PBX1: variants seen among roughly 807,000 people sequenced by gnomAD.
The protein encoded by PBX1 is PBX homeobox 1.
A neutral mutation model predicts 53.4 loss-of-function variants in PBX1; 6 were observed. That is an observed-to-expected ratio of 0.11 (90% CI 0.06 to 0.22). The LOEUF (loss-of-function observed/expected upper bound fraction) is 0.22, where lower values mean the gene tolerates loss of function less well. PBX1 is among the 10% of genes least tolerant of loss of function. The pLI, the probability that PBX1 is intolerant of heterozygous loss-of-function variation, is 1.00. For missense variants in PBX1, 251 were observed against 551.4 expected (o/e 0.46, Z 5.46); for synonymous variants, 204 against 212.3 (o/e 0.96, Z 0.34).
At chr1:164,709,135 G>T (rs1376634032) in intron 2 of PBX1, among the ~76,000 whole-genome samples, 1 of 152,132 alleles carries the variant, frequency 6.6e-6, no homozygotes, top group East Asian at 1.9e-4. Flanking sequence ...ACACAGGAAG[G>T]CTGCAGCACA....
intron 2 of PBX1, among the ~76,000 whole-genome samples, chr1:164,635,284 G>A (rs913117596): frequency 6.6e-6 from 1 of 152,084 alleles, no homozygotes; most frequent in African/African-American, 2.4e-5. Context: ...ATTTGCTGCT[G>A]CCACCGCTGC....
At chr1:164,661,311 A>C (rs981402561) in intron 2 of PBX1, among the ~76,000 whole-genome samples, 2 of 152,162 alleles carry the variant, frequency 1.3e-5, no homozygotes, top group African/African-American at 4.8e-5. Flanking sequence ...AGGACATGCC[A>C]TCTGGCATGA....
chr1:164,783,952 T>G (rs1668048897), intron 2 of PBX1, among the ~76,000 whole-genome samples: 1 of 152,210 alleles, frequency 6.6e-6, no homozygotes, highest in Non-Finnish European at 1.5e-5. Context: ...TATGGTTGCT[T>G]CCTTTAGGAA....
intron 1 of PBX1, 38 bp downstream of exon 1, chr1:164,560,051 T>G (rs892186095): frequency 7.5e-6 from 7 of 937,028 alleles, no homozygotes; most frequent in Non-Finnish European, 1.0e-5. Flanking sequence ...CTTGGGGTTT[T>G]TTGTTTTTCT....
chr1:164,655,180 C>A (rs1439119650), intron 2 of PBX1, among the ~76,000 whole-genome samples: 1 of 149,276 alleles, frequency 6.7e-6, no homozygotes. Flanking sequence ...ATGGTGCGAT[C>A]TCAGCTCACT....
chr1:164,563,077 G>T, intron 1 of PBX1, 161 bp from the exon 2 acceptor site: 2 of 441,546 alleles, frequency 4.5e-6, no homozygotes, highest in Non-Finnish European at 8.1e-6. Flanking sequence ...TTTCTATGGC[G>T]GGACTCTGTA....
chr1:164,873,642 C>T (rs1257196528), intron 2 of PBX1, among the ~76,000 whole-genome samples: 2 of 152,158 alleles, frequency 1.3e-5, no homozygotes, highest in Admixed American at 6.5e-5. Context: ...CTTATTTCAC[C>T]AGGCCTCTAA....
chr1:164,819,103 C>T (rs1670016665), intron 6 of PBX1: 1 of 152,152 alleles, frequency 6.6e-6, no homozygotes, highest in Admixed American at 6.5e-5. Flanking sequence ...GCTTTCTTTC[C>T]TAATGCGCTG....
intron 4 of PBX1, among the ~76,000 whole-genome samples, chr1:164,800,669 G>C (rs771733419): frequency 6.6e-6 from 1 of 152,112 alleles, no homozygotes; most frequent in Admixed American, 6.5e-5. Context: ...AGTAATAGTC[G>C]TCATATCTTT....
At chr1:164,625,824 A>G (rs979180480) in intron 2 of PBX1, 23 of 482,386 alleles carry the variant, frequency 4.8e-5, no homozygotes, top group South Asian at 9.9e-5. Flanking sequence ...AAAAAAAAAA[A>G]GAAAAAAAAC....
At chr1:164,588,704 A>G (rs1033701834) in intron 2 of PBX1, among the ~76,000 whole-genome samples, 16 of 151,860 alleles carry the variant, frequency 1.1e-4, no homozygotes, top group African/African-American at 3.9e-4. Flanking sequence ...AGGGAGAGAG[A>G]GAGAGGCTGG....
At chr1:164,832,997 T>C (rs1348431716) in intron 8 of PBX1, among the ~76,000 whole-genome samples, 2 of 151,938 alleles carry the variant, frequency 1.3e-5, no homozygotes, top group African/African-American at 4.8e-5. Context: ...GGAGAGAAAA[T>C]TAACAGGCCA....
At chr1:164,686,783 C>T (rs1244126861) in intron 2 of PBX1, among the ~76,000 whole-genome samples, 1 of 151,722 alleles carries the variant, frequency 6.6e-6, no homozygotes, top group Non-Finnish European at 1.5e-5. Context: ...ACGATGAAAC[C>T]CCGTCTCTAC....
intron 2 of PBX1, among the ~76,000 whole-genome samples, chr1:164,600,197 AG>A (rs921504311): frequency 8.6e-5 from 13 of 151,450 alleles, no homozygotes; most frequent in African/African-American, 2.9e-4. Flanking sequence ...TGCTTCTGTA[AG>A]GCTAGACTAA....
Position 164,873,681 on chromosome 1 carries a change from T to C in PBX1, n.258-25507T>C, listed in dbSNP as rs118134650. On this transcript the variant is annotated intron_variant and non_coding_transcript_variant, in intron 2 of 2. Transcript: ENST00000558796. ...CAGCATCAAAGGAAAGCCAGAGATA[T>C]CCTTTTTGATATTCTCTCAACCACC... 1.2e-3 allele frequency among the ~76,000 whole-genome samples: 178 copies of C among 152,326 alleles called. 4 individuals are homozygous for C. In the East Asian group the frequency reaches 0.03, roughly 26 times the overall value.
intron 2 of PBX1, among the ~76,000 whole-genome samples, chr1:164,688,871 A>G (rs929464214): frequency 6.6e-6 from 1 of 152,224 alleles, no homozygotes; most frequent in African/African-American, 2.4e-5. Context: ...AAGTCTGGGT[A>G]TTCCCTGAAG....
rs576984876 is a variant in PBX1, at chr1:164,849,587, C to T, written c.*2911C>T. The T allele has an allele frequency of 2.3e-5, 20 of 870,648 alleles. No individual in the cohort carries two copies. Among genetic ancestry groups the T allele is most frequent in the South Asian group, 6.1e-5 (3 of 49,138 alleles). 53.9% of individuals were successfully genotyped at this position (870,648 alleles called of 1,614,324 possible). A position where few individuals can be genotyped will look rare whatever the true frequency, so the allele number is the denominator to read the frequency against. On this transcript the variant is annotated 3_prime_UTR_variant, in exon 9 of 9. Transcript: ENST00000420696. ...GGGAGTGCTCCATTTTCCCCGACAG[C>T]GAATTTCCCCTGAGAAACGATACTA...
chr1:164,590,713 G>A (rs1394636150), intron 2 of PBX1, among the ~76,000 whole-genome samples: 4 of 152,060 alleles, frequency 2.6e-5, no homozygotes, highest in Non-Finnish European at 5.9e-5. Flanking sequence ...GGTAAACAGG[G>A]CATTGATCTA....
At chr1:164,601,256 A>AG (rs1656153928) in intron 2 of PBX1, among the ~76,000 whole-genome samples, 1 of 150,786 alleles carries the variant, frequency 6.6e-6, no homozygotes, top group Non-Finnish European at 1.5e-5. Context: ...AAAAAAAAAA[A>AG]AAAAAAGCAG....
Sources: allele counts gnomAD v4.1 joint callset (sites outside exome capture counted in the v4.1 genomes callset), GRCh38; gene constraint gnomAD v4.1.1; transcripts MANE v1.5; gene names NCBI Gene and HGNC (gene_info 2026-07-23, HGNC 2026-07-21).